Variants in TRPM3 observed in about 807,000 individuals in gnomAD.
The protein encoded by TRPM3 is long transient receptor potential channel 3.
TRPM3 carries 77 observed loss-of-function variants against 181.2 expected under a neutral mutation model. That is an observed-to-expected ratio of 0.42 (90% confidence interval 0.35 to 0.51). TRPM3 has a LOEUF of 0.51. Ranked by LOEUF, TRPM3 falls within the 20% of genes least tolerant of loss-of-function variation. TRPM3 has a pLI of 0.01. For missense variants in TRPM3, 1,759 were observed against 2,196.7 expected (o/e 0.80, Z 3.98); for synonymous variants, 745 against 796.4 (o/e 0.94, Z 1.09).
At chr9:70,946,637 C>T (rs1198038218) in intron 1 of TRPM3, among the ~76,000 whole-genome samples, 1 of 152,042 alleles carries the variant, frequency 6.6e-6, no homozygotes, top group Non-Finnish European at 1.5e-5. Context: ...AATTTTCACA[C>T]ATTAAACATA....
At chr9:71,395,410 T>C (rs1404973397) in intron 1 of TRPM3, among the ~76,000 whole-genome samples, 2 of 152,214 alleles carry the variant, frequency 1.3e-5, no homozygotes, top group Non-Finnish European at 2.9e-5. Context: ...TAGTTTCTTA[T>C]TGAACCACAG....
In TRPM3 at chr9:70,635,349, G is replaced by C. The variant is rs139116762; in HGVS notation, c.1582-88C>G. The stretch of plus-strand genomic sequence containing the variant: ...GAAGGATCTAGAAGGAAGGGTGCTG[G>C]CTGGTGGAGGGCAGTTCATTAAGAT... On this transcript the variant is annotated intron_variant, in intron 11 of 25. Transcript: ENST00000677713. The C allele has an allele frequency of 7.2e-6, 8 of 1,107,374 alleles. No individual in the cohort carries two copies. In the East Asian group the frequency reaches 1.6e-4, roughly 23 times the overall value. 68.6% of individuals were successfully genotyped at this position (1,107,374 alleles called of 1,614,324 possible). A position where few individuals can be genotyped will look rare whatever the true frequency, so the allele number is the denominator to read the frequency against.
chr9:71,133,858 C>A (rs961754053), intron 1 of TRPM3, among the ~76,000 whole-genome samples: 1 of 152,140 alleles, frequency 6.6e-6, no homozygotes, highest in Non-Finnish European at 1.5e-5. Flanking sequence ...CAAACACTTA[C>A]TTACATATTC....
intron 22 of TRPM3, among the ~76,000 whole-genome samples, chr9:70,562,987 G>C (rs2049520797): frequency 6.6e-6 from 1 of 152,164 alleles, no homozygotes; most frequent in Non-Finnish European, 1.5e-5. Context: ...CACTAAACAG[G>C]TGGGATCTCT....
chr9:70,791,194 G>C (rs2085302081), intron 6 of TRPM3, among the ~76,000 whole-genome samples: 1 of 152,148 alleles, frequency 6.6e-6, no homozygotes, highest in Admixed American at 6.5e-5. Context: ...GTACCCAATT[G>C]GTGAATGCCA....
chr9:71,394,232 A>G (rs554221447), intron 1 of TRPM3, among the ~76,000 whole-genome samples: 2 of 152,200 alleles, frequency 1.3e-5, no homozygotes, highest in Non-Finnish European at 2.9e-5. Flanking sequence ...TTGATGCATC[A>G]TAAATATTCT....
chr9:71,086,479 C>T (rs1420103287), intron 1 of TRPM3, among the ~76,000 whole-genome samples: 1 of 151,786 alleles, frequency 6.6e-6, no homozygotes, highest in East Asian at 1.9e-4. Flanking sequence ...ATTTAGATGC[C>T]CATCACCAAC....
intron 1 of TRPM3, among the ~76,000 whole-genome samples, chr9:71,041,551 G>A (rs1381672281): frequency 1.3e-5 from 2 of 151,992 alleles, no homozygotes; most frequent in Non-Finnish European, 2.9e-5. Flanking sequence ...ATGGTTTCTT[G>A]GCAATGTCCA....
intron 1 of TRPM3, among the ~76,000 whole-genome samples, chr9:71,037,457 TATGTAAATATG>T (rs1554808641): frequency 6.6e-6 from 1 of 152,264 alleles, no homozygotes; most frequent in Non-Finnish European, 1.5e-5. Context: ...TGAACATTTT[TATGTAAATATG>T]TGATATGTGT....
chr9:71,156,415 ACACAC>A (rs1258868437), intron 1 of TRPM3, among the ~76,000 whole-genome samples: 27 of 144,350 alleles, frequency 1.9e-4, no homozygotes, highest in African/African-American at 6.4e-4. Context: ...ACACACACAC[ACACAC>A]AAGGCTTATC....
intron 15 of TRPM3, 131 bp from the exon 16 acceptor site, chr9:70,620,496 T>C: frequency 9.9e-7 from 1 of 1,010,882 alleles, no homozygotes; most frequent in Admixed American, 2.3e-5. Flanking sequence ...GCTCCTGTCC[T>C]AAAAGAACTC....
At chr9:70,923,278 A>G (rs1267070592) in intron 1 of TRPM3, among the ~76,000 whole-genome samples, 1 of 152,128 alleles carries the variant, frequency 6.6e-6, no homozygotes, top group East Asian at 1.9e-4. Flanking sequence ...CACGTTTTAT[A>G]CTTTTTAATA....
chr9:70,585,185 G>C (rs146509463), intron 22 of TRPM3, among the ~76,000 whole-genome samples: 1 of 152,262 alleles, frequency 6.6e-6, no homozygotes, highest in African/African-American at 2.4e-5. Context: ...TTTTGCGCTT[G>C]CACTGAAATA....
At chr9:71,387,189 A>T (rs939919306) in intron 1 of TRPM3, among the ~76,000 whole-genome samples, 5 of 152,186 alleles carry the variant, frequency 3.3e-5, no homozygotes, top group Non-Finnish European at 7.3e-5. Context: ...TTTCCTAATT[A>T]TGGATGGAAA....
chr9:70,647,861 A>G (rs886594436), intron 9 of TRPM3, among the ~76,000 whole-genome samples: 8 of 152,224 alleles, frequency 5.3e-5, no homozygotes, highest in Admixed American at 5.2e-4. Flanking sequence ...AATACAAAAT[A>G]AATGTATAAA....
chr9:71,360,811 T>C (rs892096636), intron 1 of TRPM3, among the ~76,000 whole-genome samples: 6 of 152,110 alleles, frequency 3.9e-5, no homozygotes, highest in African/African-American at 1.4e-4. Context: ...ATGGTAGAGT[T>C]TGCATTAAAA....
intron 1 of TRPM3, among the ~76,000 whole-genome samples, chr9:71,058,390 C>T (rs1379771697): frequency 6.6e-6 from 1 of 152,028 alleles, no homozygotes; most frequent in Non-Finnish European, 1.5e-5. Context: ...CACAGCTGCA[C>T]AGCTGCAGGA....
In TRPM3 at chr9:71,369,632, T is replaced by G. The variant is rs144163532; in HGVS notation, c.183+77021A>C. ...GATTCTCCTGGGCATGGTGCCCACC[T>G]TGGCCTCCCAAAGTGCTGGGATTAC... is the stretch of plus-strand genomic sequence containing the variant. On this transcript the variant is annotated intron_variant, in intron 1 of 24. Transcript: ENST00000357533. Among the ~76,000 whole-genome samples, 832 of 152,318 alleles carry G rather than the reference T, an allele frequency of 5.5e-3. 11 individuals carry two copies. Among genetic ancestry groups the G allele is most frequent in the African/African-American group, 0.019 (778 of 41,574 alleles).
At chr9:70,773,163 G>C (rs772936007) in intron 7 of TRPM3, among the ~76,000 whole-genome samples, 4 of 152,146 alleles carry the variant, frequency 2.6e-5, no homozygotes, top group Non-Finnish European at 5.9e-5. Flanking sequence ...TGTCTGGAAA[G>C]CTCAGCTCTG....
Sources: allele counts gnomAD v4.1 joint callset (sites outside exome capture counted in the v4.1 genomes callset), GRCh38; gene constraint gnomAD v4.1.1; transcripts MANE v1.5; gene names NCBI Gene and HGNC (gene_info 2026-07-23, HGNC 2026-07-21).